PDE11A: variants seen among roughly 807,000 people sequenced by gnomAD.
The protein encoded by PDE11A is phosphodiesterase 11A, also known as dual 3',5'-cyclic-AMP and -GMP phosphodiesterase 11A.
Under a neutral mutation model 100.5 loss-of-function variants are expected in PDE11A, and 100 were observed. The observed-to-expected ratio is 1.00, with a 90% CI of 0.85 to 1.18. The LOEUF (loss-of-function observed/expected upper bound fraction) is 1.18, where lower values mean the gene tolerates loss of function less well. Among genes scored for constraint, PDE11A ranks in the 50% most tolerant of loss-of-function variants. The probability of loss-of-function intolerance (pLI) is 0.00; values close to 1 mark genes in which losing one functional copy is unlikely to be tolerated. For synonymous variants in PDE11A, 381 were observed against 420.8 expected (o/e 0.91, Z 1.16); for missense variants, 1,141 against 1,152.6 (o/e 0.99, Z 0.15).
intron 12 of PDE11A, among the ~76,000 whole-genome samples, chr2:177,722,116 C>T (rs1023312473): frequency 1.3e-5 from 2 of 152,096 alleles, no homozygotes; most frequent in Non-Finnish European, 2.9e-5. Context: ...TCATAAAAAT[C>T]TCAAGAATAA....
chr2:177,794,923 T>C (rs1394435645), intron 9 of PDE11A, among the ~76,000 whole-genome samples: 1 of 152,030 alleles, frequency 6.6e-6, no homozygotes, highest in Admixed American at 6.6e-5. Context: ...GTAGCTGGGA[T>C]TACAGGTGCC....
chr2:177,654,869 C>T (rs1253481855), intron 19 of PDE11A, among the ~76,000 whole-genome samples: 1 of 152,058 alleles, frequency 6.6e-6, no homozygotes, highest in Non-Finnish European at 1.5e-5. Context: ...TTTCCTACTT[C>T]TTCCGAAGAG....
At chr2:177,692,638 A>C (rs1264889270) in intron 15 of PDE11A, among the ~76,000 whole-genome samples, 5 of 152,214 alleles carry the variant, frequency 3.3e-5, no homozygotes, top group African/African-American at 1.2e-4. Context: ...CTCAGCAGTA[A>C]CTGGAAAACG....
chr2:177,945,660 C>A (rs1211390780), intron 2 of PDE11A, among the ~76,000 whole-genome samples: 1 of 152,172 alleles, frequency 6.6e-6, no homozygotes, highest in African/African-American at 2.4e-5. Context: ...CCTCTCCGCC[C>A]GGCAGCCACC....
At position 178,072,067 on chromosome 2, in the gene PDE11A, CTCT is replaced by C; in HGVS notation, c.368_370del (p.Lys123del). 2 of 1,614,136 alleles carry C rather than the reference CTCT, an allele frequency of 1.2e-6. No individual in the cohort carries two copies. The highest frequency in any genetic ancestry group is 1.7e-5 in the Admixed American group (1 of 60,018). On this transcript the variant is annotated inframe_deletion, in exon 1 of 20. Coordinates refer to ENST00000286063, the MANE Select transcript of PDE11A (RefSeq NM_016953.4). ...GTGGATGGCCTTGGAGCGGGCAAAA[CTCT>C]TCCTTAGCTCTTTCTGAGAAGCTCT... is the stretch of plus-strand genomic sequence containing the variant.
chr2:177,696,980 T>G (rs753594630), intron 15 of PDE11A, among the ~76,000 whole-genome samples: 30 of 152,234 alleles, frequency 2.0e-4, no homozygotes, highest in South Asian at 2.1e-4. Flanking sequence ...TTTTTCATCT[T>G]CGTTATCAAT....
Position 177,697,440 on chromosome 2 carries a change from G to A in PDE11A, c.2245-8C>T, listed in dbSNP as rs2081130028. 1.5e-6 allele frequency: 2 copies of A among 1,356,848 alleles called. No individual in the cohort carries two copies. Among genetic ancestry groups the A allele is most frequent in the South Asian group, 2.3e-5 (2 of 86,012 alleles). The allele number at this position is 1,356,848 out of a possible 1,614,324, so 84.1% of individuals were successfully genotyped here. On this transcript the variant is annotated splice_region_variant and splice_polypyrimidine_tract_variant and intron_variant, in intron 14 of 19. Coordinates refer to ENST00000286063, the MANE Select transcript of PDE11A (RefSeq NM_016953.4). ...AGCAAAGATATTGTGACCCTGTAATGAGAAAGTAAAAAGTCACAAAAGACA... is the reference window on the plus strand; with the variant it reads ...AGCAAAGATATTGTGACCCTGTAATAAGAAAGTAAAAAGTCACAAAAGACA...
chr2:177,653,598 G>T (rs868744647), intron 19 of PDE11A, among the ~76,000 whole-genome samples: 1 of 152,156 alleles, frequency 6.6e-6, no homozygotes. Flanking sequence ...CCAATGGTTT[G>T]TGTCTTTATA....
chr2:178,096,670 G>A (rs148237749), intron 2 of PDE11A, among the ~76,000 whole-genome samples: 1 of 152,340 alleles, frequency 6.6e-6, no homozygotes, highest in Non-Finnish European at 1.5e-5. Context: ...TAGCAACAGT[G>A]ACATTTACTG....
intron 6 of PDE11A, among the ~76,000 whole-genome samples, chr2:177,826,459 C>A (rs1433666368): frequency 6.6e-6 from 1 of 152,204 alleles, no homozygotes; most frequent in Admixed American, 6.5e-5. Context: ...TTCTAGTAAC[C>A]AGACAAGCTG....
intron 9 of PDE11A, among the ~76,000 whole-genome samples, chr2:177,801,153 A>G (rs2082787923): frequency 6.6e-6 from 1 of 152,254 alleles, no homozygotes. Flanking sequence ...ATGAGTTAAC[A>G]TAGTTCAACT....
chr2:177,954,499 C>A (rs953463836), intron 2 of PDE11A, among the ~76,000 whole-genome samples: 1 of 152,062 alleles, frequency 6.6e-6, no homozygotes, highest in Non-Finnish European at 1.5e-5. Context: ...GAAGTCAGTT[C>A]CAGATTTGGA....
chr2:177,973,319 G>T (rs1205668258), intron 2 of PDE11A, among the ~76,000 whole-genome samples: 1 of 104,666 alleles, frequency 9.6e-6, no homozygotes, highest in East Asian at 2.7e-4. Flanking sequence ...TCAAAGAAAG[G>T]GGTGACGGAC....
intron 5 of PDE11A, among the ~76,000 whole-genome samples, chr2:177,849,131 G>C (rs1189782711): frequency 1.3e-5 from 2 of 152,128 alleles, no homozygotes; most frequent in Non-Finnish European, 2.9e-5. Flanking sequence ...CGAACAATAA[G>C]GATCTTTTCC....
intron 2 of PDE11A, among the ~76,000 whole-genome samples, chr2:177,938,516 C>T (rs906212257): frequency 5.9e-5 from 9 of 152,188 alleles, no homozygotes; most frequent in Admixed American, 5.2e-4. Context: ...TCGGCAGCCT[C>T]CTCACATCCC....
chr2:178,085,189 G>A (rs925527320), intron 2 of PDE11A, among the ~76,000 whole-genome samples: 1 of 152,266 alleles, frequency 6.6e-6, no homozygotes, highest in South Asian at 2.1e-4. Context: ...GTACCTAGAC[G>A]TGAGGTGCTG....
intron 4 of PDE11A, among the ~76,000 whole-genome samples, chr2:177,891,655 C>T (rs146421236): frequency 2.6e-4 from 40 of 152,268 alleles, no homozygotes; most frequent in African/African-American, 8.4e-4. Context: ...TGTTATAAGA[C>T]GGCAAAGGAT....
rs200719353 is a variant in PDE11A at position 177,862,047 on chromosome 2, C to CAA, written c.1367+13810_1367+13811dup. ...GATATAATACCAAAAGCACAAGTAA[C>CAA]AAAAAAATTATAAATTGAATATCAA... is the stretch of plus-strand genomic sequence containing the variant. On this transcript the variant is annotated intron_variant, in intron 5 of 19. Transcript: ENST00000286063. Among the ~76,000 whole-genome samples the CAA allele has an allele frequency of 7.2e-3, 1,098 of 151,798 alleles. 13 individuals carry two copies. The highest frequency in any genetic ancestry group is 0.025 in the African/African-American group (1,022 of 41,466).
At chr2:177,874,910 A>G (rs1332340564) in intron 5 of PDE11A, among the ~76,000 whole-genome samples, 3 of 152,174 alleles carry the variant, frequency 2.0e-5, no homozygotes, top group African/African-American at 4.8e-5. Context: ...TCAGCAGAGT[A>G]TCTTAAGATT....
Sources: gnomAD v4.1 joint callset for allele counts (sites outside exome capture counted in the v4.1 genomes callset) on GRCh38, gnomAD v4.1.1 for gene constraint, MANE v1.5 for transcripts, NCBI Gene and HGNC (gene_info 2026-07-23, HGNC 2026-07-21) for gene names.